P2RX5: variants seen among roughly 807,000 people sequenced by gnomAD.
P2RX5 encodes P2X purinoceptor 5.
In P2RX5, 46 loss-of-function variants were observed where a neutral mutation model predicts 54.1. The ratio of observed to expected loss-of-function variants is 0.85; its 90% confidence interval spans 0.67 to 1.09. The LOEUF (loss-of-function observed/expected upper bound fraction) is 1.09, where lower values mean the gene tolerates loss of function less well. Ranked by LOEUF, P2RX5 falls within the 50% of genes least tolerant of loss-of-function variation. The pLI is 0.00. For missense variants in P2RX5, 566 were observed against 549.8 expected (o/e 1.03, Z -0.29); for synonymous variants, 226 against 226.4 (o/e 1.00, Z 0.02).
intron 11 of P2RX5, chr17:3,676,241 C>A: frequency 3.0e-6 from 3 of 985,440 alleles, no homozygotes; most frequent in South Asian, 9.4e-5. Context: ...AGTCAGCTCC[C>A]AAGCCCAACA....
At chr17:3,677,066 A>C (rs1045016881) in intron 11 of P2RX5, 7 of 984,302 alleles carry the variant, frequency 7.1e-6, no homozygotes, top group Non-Finnish European at 8.4e-6. Flanking sequence ...TATTTCAAAA[A>C]AATAAATAAA....
At chr17:3,689,369 G>A in intron 7 of P2RX5, 123 bp downstream of exon 7, 1 of 783,764 alleles carries the variant, frequency 1.3e-6, no homozygotes, top group Non-Finnish European at 2.2e-6. Flanking sequence ...GAGTCCCTGG[G>A]GGCAGGTGAC....
upstream of P2RX5, among the ~76,000 whole-genome samples, chr17:3,697,511 T>G (rs1406611277): frequency 6.6e-6 from 1 of 152,042 alleles, no homozygotes; most frequent in African/African-American, 2.4e-5. Context: ...GAGGCTCCCT[T>G]CCCTAAGCCA....
Position 3,682,140 on chromosome 17 carries a change from A to G in P2RX5, c.982-162T>C, listed in dbSNP as rs749283866. ...GCTCAGCAAGGGGCACCCTTGTCCG[A>G]CACCACAGAGCTGGTCCATGGTGGA... On this transcript the variant is annotated intron_variant, in intron 9 of 11. Transcript: ENST00000225328. The G allele has an allele frequency of 1.0e-5, 7 of 673,780 alleles. No individual in the cohort carries two copies. In the East Asian group the frequency reaches 1.1e-4, roughly 11 times the overall value. 41.7% of individuals were successfully genotyped at this position (673,780 alleles called of 1,614,324 possible). A position where few individuals can be genotyped will look rare whatever the true frequency, so the allele number is the denominator to read the frequency against.
chr17:3,692,584 G>A (rs557691610), intron 1 of P2RX5, among the ~76,000 whole-genome samples: 75 of 152,256 alleles, frequency 4.9e-4, no homozygotes, highest in African/African-American at 1.5e-3. Flanking sequence ...GCTCGCGCCT[G>A]TACTCCTAGC....
In P2RX5 at chr17:3,675,843, G is replaced by A. The variant is rs987142023; in HGVS notation, c.1260-1966C>T. The A allele has an allele frequency of 7.1e-6, 7 of 984,682 alleles. No homozygotes were observed. In the Admixed American group the frequency reaches 1.8e-4, roughly 26 times the overall value. 61.0% of individuals were successfully genotyped at this position (984,682 alleles called of 1,614,324 possible). A position where few individuals can be genotyped will look rare whatever the true frequency, so the allele number is the denominator to read the frequency against. ...TGGGATTACAGGTGTGAGCCACTGCGCCCAGCCTGGATCTTTACTTTCTAA... is the reference window on the plus strand; with the variant it reads ...TGGGATTACAGGTGTGAGCCACTGCACCCAGCCTGGATCTTTACTTTCTAA... On this transcript the variant is annotated intron_variant, in intron 11 of 11. Coordinates refer to ENST00000225328, the MANE Select transcript of P2RX5 (RefSeq NM_002561.4).
At chr17:3,675,460 T>C in intron 11 of P2RX5, 1 of 985,432 alleles carries the variant, frequency 1.0e-6, no homozygotes, top group Non-Finnish European at 1.2e-6. Context: ...CCTTTTTTGC[T>C]TCCTCCCAAA....
chr17:3,679,160 A>G (rs918205611), intron 11 of P2RX5, among the ~76,000 whole-genome samples: 8 of 152,198 alleles, frequency 5.3e-5, no homozygotes, highest in Non-Finnish European at 1.2e-4. Flanking sequence ...CAGCGCTGCC[A>G]TTCACCGGCT....
chr17:3,675,292 G>A (rs1251465319), intron 11 of P2RX5: 18 of 911,490 alleles, frequency 2.0e-5, no homozygotes, highest in East Asian at 1.2e-4. Flanking sequence ...TGCCCGCCTC[G>A]GCCTCCCAAA....
At chr17:3,680,207 T>A (rs2050216654) in intron 10 of P2RX5, among the ~76,000 whole-genome samples, 1 of 137,088 alleles carries the variant, frequency 7.3e-6, no homozygotes, top group East Asian at 2.3e-4. Flanking sequence ...CCCTGCATCC[T>A]CCACCCTGCA....
At chr17:3,696,618 T>G (rs988679981), upstream of P2RX5, among the ~76,000 whole-genome samples, 2 of 151,952 alleles carry the variant, frequency 1.3e-5, no homozygotes, top group African/African-American at 4.8e-5. Context: ...TTTTGTATTT[T>G]TAGTAGAGAC....
the P2RX5 span, among the ~76,000 whole-genome samples, chr17:3,704,779 G>A: frequency 6.6e-6 from 1 of 152,242 alleles, no homozygotes; most frequent in African/African-American, 2.4e-5. Flanking sequence ...GGCCGAGGTG[G>A]ACGGATCACC....
upstream of P2RX5, among the ~76,000 whole-genome samples, chr17:3,699,824 A>G (rs28604272): frequency 0.23 from 25,956 of 115,358 alleles, 4,231 homozygotes; most frequent in South Asian, 0.51. Flanking sequence ...GAAAGAGAGA[A>G]AGAGAGAGAG....
the P2RX5 span, among the ~76,000 whole-genome samples, chr17:3,706,763 C>T: frequency 6.6e-6 from 1 of 152,212 alleles, no homozygotes; most frequent in South Asian, 2.1e-4. Flanking sequence ...AGGTGCCCAC[C>T]ACCACGCCCG....
upstream of P2RX5, among the ~76,000 whole-genome samples, chr17:3,699,879 AAGGAAGGAAGGAAGGAAGGAAGG>A (rs1406398772): frequency 4.2e-3 from 113 of 26,616 alleles, 1 homozygote; most frequent in Non-Finnish European, 7.8e-3. Context: ...GAAAGAAAGG[AAGGAAGGAAGGAAGGAAGGAAGG>A]AAGGAAGGAA....
rs372259448 is a variant in P2RX5 at position 3,690,997 on chromosome 17, G to A, written c.319C>T (p.Leu107=). The A allele has an allele frequency of 6.2e-7, 1 of 1,613,086 alleles. No individual in the cohort carries two copies. The highest frequency in any genetic ancestry group is 8.5e-7 in the Non-Finnish European group (1 of 1,179,766). ...TGCCGCTGGTTGGGGGTCACAATCA[G>A]GTTGGTGACCACAAAAAAGACGTTC... is the stretch of plus-strand genomic sequence containing the variant. ...GENVFFVVTN[L]IVTPNQRQNV... Residue 107 remains leucine, a synonymous_variant, in exon 3 of 12, where the codon CTG becomes TTG. Transcript: ENST00000225328.
chr17:3,703,207 A>G, the P2RX5 span, among the ~76,000 whole-genome samples: 1 of 151,980 alleles, frequency 6.6e-6, no homozygotes. Flanking sequence ...AAATAGAAAA[A>G]CTCAACAACA....
At chr17:3,723,746 T>G in the P2RX5 span, 1 of 1,606,904 alleles carries the variant, frequency 6.2e-7, no homozygotes, top group South Asian at 1.1e-5. Flanking sequence ...CGTGGAGGCC[T>G]GAAACGAGAG....
upstream of P2RX5, among the ~76,000 whole-genome samples, chr17:3,696,950 C>T (rs1015969219): frequency 6.6e-6 from 1 of 152,074 alleles, no homozygotes; most frequent in South Asian, 2.1e-4. Flanking sequence ...AGCCGTGGCT[C>T]CCCCACAGGC....
Sources: gnomAD v4.1 joint callset for allele counts (sites outside exome capture counted in the v4.1 genomes callset) on GRCh38, gnomAD v4.1.1 for gene constraint, MANE v1.5 for transcripts, NCBI Gene and HGNC (gene_info 2026-07-23, HGNC 2026-07-21) for gene names.